CCDC171: variants seen among roughly 807,000 people sequenced by gnomAD.
CCDC171 encodes coiled-coil domain-containing protein 171.
CCDC171 carries 177 observed loss-of-function variants against 168.2 expected under a neutral mutation model. That is an observed-to-expected ratio of 1.05 (90% CI 0.93 to 1.19). The LOEUF is 1.19. Among genes scored for constraint, CCDC171 ranks in the 50% most tolerant of loss-of-function variants. CCDC171 has a pLI of 0.00. For missense variants in CCDC171, 1,991 were observed against 1,539.0 expected (o/e 1.29, Z -4.91); for synonymous variants, 687 against 540.8 (o/e 1.27, Z -3.75).
downstream of CCDC171, among the ~76,000 whole-genome samples, chr9:15,977,870 G>A (rs1473647797): frequency 6.6e-6 from 1 of 152,120 alleles, no homozygotes; most frequent in Non-Finnish European, 1.5e-5. Context: ...CTATATAAGA[G>A]GAAAATCTTA....
rs879305742 is a variant in CCDC171, at chr9:15,666,660, A to C, written c.1076+337A>C. On this transcript the variant is annotated intron_variant, in intron 9 of 25. Coordinates refer to ENST00000380701, the MANE Select transcript of CCDC171 (RefSeq NM_173550.4). ...CAACATAGTGAGACTTTGTCTCTACAAAAAAAATAAAAAAATTAGCCAAGT... is the reference window on the plus strand; with the variant it reads ...CAACATAGTGAGACTTTGTCTCTACCAAAAAAATAAAAAAATTAGCCAAGT... Among the ~76,000 whole-genome samples, 115 of 151,986 alleles carry C rather than the reference A, an allele frequency of 7.6e-4. 1 individual carries two copies. Among genetic ancestry groups the C allele is most frequent in the Non-Finnish European group, 1.5e-3 (102 of 67,934 alleles).
At chr9:15,734,577 T>C (rs975211198) in intron 16 of CCDC171, among the ~76,000 whole-genome samples, 8 of 152,138 alleles carry the variant, frequency 5.3e-5, no homozygotes, top group African/African-American at 1.7e-4. Context: ...TAAATAGGCA[T>C]ATATTCTGTA....
chr9:15,637,416 A>G (rs969619456), intron 7 of CCDC171, among the ~76,000 whole-genome samples: 1 of 152,000 alleles, frequency 6.6e-6, no homozygotes, highest in Non-Finnish European at 1.5e-5. Flanking sequence ...TATAGGTATA[A>G]TATTATTATA....
intron 21 of CCDC171, among the ~76,000 whole-genome samples, chr9:15,810,156 C>T (rs1045017469): frequency 1.3e-5 from 2 of 152,132 alleles, no homozygotes; most frequent in East Asian, 1.9e-4. Context: ...ATTTACAATC[C>T]TCTAGCTAGA....
chr9:15,643,251 A>G (rs1375345814), intron 7 of CCDC171, among the ~76,000 whole-genome samples: 1 of 152,126 alleles, frequency 6.6e-6, no homozygotes, highest in Non-Finnish European at 1.5e-5. Context: ...AACTAAAATG[A>G]GTATACTAGG....
chr9:15,703,205 C>T (rs771760278), intron 11 of CCDC171, among the ~76,000 whole-genome samples: 5 of 152,254 alleles, frequency 3.3e-5, no homozygotes, highest in Non-Finnish European at 7.4e-5. Flanking sequence ...CACGCCCGGC[C>T]GGGCCTTGTT....
chr9:15,843,175 C>T (rs1450557109), intron 21 of CCDC171, among the ~76,000 whole-genome samples: 5 of 151,882 alleles, frequency 3.3e-5, no homozygotes, highest in African/African-American at 7.2e-5. Context: ...TAAGCAATGA[C>T]ATCATTATCT....
At chr9:16,095,977 TATA>T in the CCDC171 span, among the ~76,000 whole-genome samples, 1 of 151,170 alleles carries the variant, frequency 6.6e-6, no homozygotes, top group African/African-American at 2.4e-5. Flanking sequence ...ATTTGATAAA[TATA>T]ATCAAATTAG....
chr9:15,754,494 T>G (rs2055970407), intron 18 of CCDC171, among the ~76,000 whole-genome samples: 1 of 152,118 alleles, frequency 6.6e-6, no homozygotes, highest in African/African-American at 2.4e-5. Flanking sequence ...TCACTGTGAA[T>G]GTAGAGTATA....
chr9:15,761,326 G>C (rs867453431), intron 18 of CCDC171, among the ~76,000 whole-genome samples: 1 of 152,188 alleles, frequency 6.6e-6, no homozygotes, highest in Middle Eastern at 3.4e-3. Flanking sequence ...TCAACATTGA[G>C]GTTTCATACT....
At chr9:15,666,028 C>T in intron 8 of CCDC171, 135 bp from the exon 9 acceptor site, 6 of 699,036 alleles carry the variant, frequency 8.6e-6, no homozygotes, top group Middle Eastern at 2.6e-4. Context: ...ATTTATTTTT[C>T]TTTTTTAAGC....
At chr9:15,615,814 T>C (rs1283850739) in intron 6 of CCDC171, among the ~76,000 whole-genome samples, 2 of 151,630 alleles carry the variant, frequency 1.3e-5, no homozygotes, top group African/African-American at 4.8e-5. Flanking sequence ...GGTCTCACTC[T>C]GTCACCCAGG....
At chr9:15,799,932 T>A (rs2058739284) in intron 21 of CCDC171, among the ~76,000 whole-genome samples, 2 of 152,168 alleles carry the variant, frequency 1.3e-5, no homozygotes, top group South Asian at 4.1e-4. Flanking sequence ...GTTCCATCTA[T>A]GTTGTTGCAA....
At chr9:16,058,642 A>C (rs1833881640) in intron 1 of CCDC171, among the ~76,000 whole-genome samples, 1 of 152,232 alleles carries the variant, frequency 6.6e-6, no homozygotes. Context: ...CTTGTAATAG[A>C]CCAGCAAAGA....
At chr9:15,950,060 A>G (rs1322247028) in intron 25 of CCDC171, among the ~76,000 whole-genome samples, 1 of 152,172 alleles carries the variant, frequency 6.6e-6, no homozygotes, top group Admixed American at 6.6e-5. Flanking sequence ...TGAAGCGAGA[A>G]GGGAAGTTTA....
In CCDC171 at chr9:15,564,141, G is replaced by C; in HGVS notation, c.41+12G>C. The C allele has an allele frequency of 6.3e-7, 1 of 1,598,520 alleles. No homozygotes were observed. ...GGTGATACCCAAAGGTAAGCCTCTA[G>C]TCTCTTCTTTTAGTTGATGAACGTT... On this transcript the variant is annotated intron_variant, in intron 2 of 25. Transcript: ENST00000380701.
At chr9:15,569,937 G>A (rs574384247) in intron 2 of CCDC171, among the ~76,000 whole-genome samples, 14 of 150,580 alleles carry the variant, frequency 9.3e-5, no homozygotes, top group South Asian at 2.1e-4. Flanking sequence ...TTAGTTTTTC[G>A]TTTTCTTAGT....
intron 9 of CCDC171, among the ~76,000 whole-genome samples, chr9:15,667,491 A>C (rs1178158229): frequency 6.6e-6 from 1 of 151,954 alleles, no homozygotes; most frequent in Non-Finnish European, 1.5e-5. Context: ...ACTAAAAATA[A>C]AAAAATTAGC....
intron 21 of CCDC171, among the ~76,000 whole-genome samples, chr9:15,814,461 G>T (rs971758886): frequency 9.2e-5 from 14 of 152,040 alleles, no homozygotes; most frequent in Non-Finnish European, 1.5e-4. Context: ...CAAACAATGG[G>T]AATAGTACAG....
Sources: allele counts gnomAD v4.1 joint callset (sites outside exome capture counted in the v4.1 genomes callset), GRCh38; gene constraint gnomAD v4.1.1; transcripts MANE v1.5; gene names NCBI Gene and HGNC (gene_info 2026-07-23, HGNC 2026-07-21).